PTPRN2: variants seen among roughly 807,000 people sequenced by gnomAD.
PTPRN2 encodes protein tyrosine phosphatase receptor type N2, also known as receptor-type tyrosine-protein phosphatase N2.
In PTPRN2, 74 loss-of-function variants were observed where a neutral mutation model predicts 118.8. That is an observed-to-expected ratio of 0.62 (90% CI 0.52 to 0.76). The LOEUF (loss-of-function observed/expected upper bound fraction) is 0.76. Among genes scored for constraint, PTPRN2 ranks in the 30% least tolerant of loss-of-function variants. PTPRN2 has a pLI of 0.00. For synonymous variants in PTPRN2, 641 were observed against 608.0 expected (o/e 1.05, Z -0.80); for missense variants, 1,481 against 1,394.4 (o/e 1.06, Z -0.99).
chr7:158,369,249 T>TTACATATATATA (rs1554481401), intron 2 of PTPRN2, among the ~76,000 whole-genome samples: 4 of 143,960 alleles, frequency 2.8e-5, no homozygotes, highest in African/African-American at 1.0e-4. Flanking sequence ...AAACTCCCCT[T>TTACATATATATA]TATATATATA....
At chr7:158,471,819 ACT>A (rs1819878054) in intron 2 of PTPRN2, among the ~76,000 whole-genome samples, 2 of 152,162 alleles carry the variant, frequency 1.3e-5, no homozygotes, top group Admixed American at 6.5e-5. Context: ...AACCAAGAAG[ACT>A]CTGACAATTG....
chr7:158,323,851 G>A (rs1037527134), intron 2 of PTPRN2, among the ~76,000 whole-genome samples: 6 of 152,210 alleles, frequency 3.9e-5, no homozygotes, highest in East Asian at 3.9e-4. Context: ...CACGGTGCAT[G>A]TATGCACATT....
intron 2 of PTPRN2, among the ~76,000 whole-genome samples, chr7:158,425,059 G>T (rs1210676927): frequency 6.6e-6 from 1 of 152,228 alleles, no homozygotes; most frequent in Non-Finnish European, 1.5e-5. Flanking sequence ...TCCTTCATGT[G>T]GCCATCACTT....
At chr7:158,309,110 T>A (rs1304485156) in intron 3 of PTPRN2, among the ~76,000 whole-genome samples, 1 of 152,212 alleles carries the variant, frequency 6.6e-6, no homozygotes, top group African/African-American at 2.4e-5. Context: ...GAAAGAATAC[T>A]CTTCAATTAA....
Position 158,563,011 on chromosome 7 carries a change from A to G in PTPRN2, c.112+24547T>C, listed in dbSNP as rs530298566. On this transcript the variant is annotated intron_variant, in intron 1 of 22. Coordinates refer to ENST00000389418, the MANE Select transcript of PTPRN2 (RefSeq NM_002847.5). This position sits in a 1 kb window ranked among gnomAD's most constrained non-coding sequence, Gnocchi z 5.1. Reference sequence around the variant, plus strand: ...AGCAAATGTTTCCTGGCCCAGGAAAACCTACATTGAGGGGGCAGGGTGTGG... The same window carrying G: ...AGCAAATGTTTCCTGGCCCAGGAAAGCCTACATTGAGGGGGCAGGGTGTGG... 5.3e-5 allele frequency among the ~76,000 whole-genome samples: 8 copies of G among 152,266 alleles called. No homozygotes were observed. The East Asian group carries it at 1.5e-3, about 29-fold the overall frequency.
chr7:157,623,632 T>A (rs1245602581), intron 14 of PTPRN2, among the ~76,000 whole-genome samples: 1 of 152,240 alleles, frequency 6.6e-6, no homozygotes, highest in Non-Finnish European at 1.5e-5. Context: ...TAAGTTCTCT[T>A]GAATTTCTAA....
At chr7:158,348,131 G>T (rs1384501959) in intron 2 of PTPRN2, among the ~76,000 whole-genome samples, 1 of 152,122 alleles carries the variant, frequency 6.6e-6, no homozygotes, top group East Asian at 1.9e-4. Flanking sequence ...CATGCAGATT[G>T]GTTGCTAAGC....
chr7:158,441,269 AGTGATG>A (rs1180974870), intron 2 of PTPRN2, among the ~76,000 whole-genome samples: 25 of 62,600 alleles, frequency 4.0e-4, no homozygotes, highest in Admixed American at 8.6e-4. Flanking sequence ...TGATGGTGAT[AGTGATG>A]GTGATGGTGG....
chr7:157,851,797 G>A (rs1474288737), intron 12 of PTPRN2, among the ~76,000 whole-genome samples: 1 of 152,246 alleles, frequency 6.6e-6, no homozygotes, highest in African/African-American at 2.4e-5. Flanking sequence ...GGCAGACAGT[G>A]ATGTGAGACG....
chr7:158,355,700 T>TCCAAAACCCAGTACTCA (rs1169293039), intron 2 of PTPRN2, among the ~76,000 whole-genome samples: 2 of 152,120 alleles, frequency 1.3e-5, no homozygotes, highest in Non-Finnish European at 2.9e-5. Context: ...ACTGGCTGCA[T>TCCAAAACCCAGTACTCA]CCAAAACCCA....
intron 12 of PTPRN2, among the ~76,000 whole-genome samples, chr7:157,735,109 G>A (rs10949661): frequency 0.29 from 44,278 of 152,130 alleles, 6,829 homozygotes; most frequent in Non-Finnish European, 0.34. Context: ...GGGGAGCGCC[G>A]TGTGCTCAGC....
At position 157,845,358 on chromosome 7, in the gene PTPRN2, T is replaced by C. The variant is rs759544532; in HGVS notation, c.1788+53315A>G. ...TCCCTGGTGAATCACGCAGCCTAAC[T>C]CACCATGTTCCCGGCCACGCCACAG... On this transcript the variant is annotated intron_variant, in intron 12 of 22. Transcript: ENST00000389418. This position sits in a 1 kb window ranked among gnomAD's most constrained non-coding sequence, Gnocchi z 4.5. Among the ~76,000 whole-genome samples the C allele has an allele frequency of 7.9e-5, 12 of 151,892 alleles. No homozygotes were observed. Among genetic ancestry groups the C allele is most frequent in the Admixed American group, 1.3e-4 (2 of 15,258 alleles).
At chr7:158,054,900 G>A (rs544034204) in intron 11 of PTPRN2, among the ~76,000 whole-genome samples, 52 of 152,170 alleles carry the variant, frequency 3.4e-4, no homozygotes, top group Middle Eastern at 3.4e-3. Context: ...CAGCCCGCAC[G>A]CCAGTGCCCA....
intron 11 of PTPRN2, among the ~76,000 whole-genome samples, chr7:157,958,565 G>T: frequency 6.6e-6 from 1 of 152,170 alleles, no homozygotes; most frequent in East Asian, 1.9e-4. Context: ...TAGTAAAGTT[G>T]CAGGGTATAA....
intron 14 of PTPRN2, among the ~76,000 whole-genome samples, chr7:157,644,198 C>G (rs567398155): frequency 1.3e-5 from 2 of 152,336 alleles, no homozygotes; most frequent in Admixed American, 1.3e-4. Context: ...CCAGACCAAT[C>G]TGAGTGAGGT....
chr7:157,997,450 C>G (rs892958467), intron 11 of PTPRN2, among the ~76,000 whole-genome samples: 1 of 152,246 alleles, frequency 6.6e-6, no homozygotes, highest in African/African-American at 2.4e-5. Context: ...CGCCTGGAGC[C>G]CAGGTTCCTC....
intron 1 of PTPRN2, among the ~76,000 whole-genome samples, chr7:158,519,143 G>A (rs112715897): frequency 1.3e-5 from 2 of 152,148 alleles, no homozygotes; most frequent in Non-Finnish European, 2.9e-5. Flanking sequence ...CAGTACACAG[G>A]CGTCGTCACT....
At position 157,861,194 on chromosome 7, in the gene PTPRN2, G is replaced by A. The variant is rs560103764; in HGVS notation, c.1788+37479C>T. 2.0e-5 allele frequency among the ~76,000 whole-genome samples: 3 copies of A among 152,328 alleles called. No homozygotes were observed. The highest frequency in any genetic ancestry group is 6.5e-5 in the Admixed American group (1 of 15,314). ...GGGAGGCACCCTGTGCGTGCTCCAT[G>A]GTGACACTGCCCCACGGGGTCCAAA... is the stretch of plus-strand genomic sequence containing the variant. On this transcript the variant is annotated intron_variant, in intron 12 of 22. Transcript: ENST00000389418. This position sits in a 1 kb window ranked among gnomAD's most constrained non-coding sequence, Gnocchi z 5.8.
Position 157,619,881 on chromosome 7 carries a change from C to G in PTPRN2, c.2344+1481G>C, listed in dbSNP as rs1361286639. 6.6e-6 allele frequency among the ~76,000 whole-genome samples: 1 copy of G among 152,176 alleles called. No homozygotes were observed. Among genetic ancestry groups the G allele is most frequent in the Non-Finnish European group, 1.5e-5 (1 of 68,028 alleles). ...GGTGTCTCAGGGACACCAGTCTGAT[C>G]CCTTGACCGGCTCCGAAGGGTTGAG... is the stretch of plus-strand genomic sequence containing the variant. On this transcript the variant is annotated intron_variant, in intron 15 of 22. Transcript: ENST00000389418. This position sits in a 1 kb window ranked among gnomAD's most constrained non-coding sequence, Gnocchi z 5.3.
Sources: allele counts gnomAD v4.1 joint callset (sites outside exome capture counted in the v4.1 genomes callset), GRCh38; gene constraint gnomAD v4.1.1; non-coding constraint Gnocchi (gnomAD v3.1); transcripts MANE v1.5; gene names NCBI Gene and HGNC (gene_info 2026-07-23, HGNC 2026-07-21).